The following ATXN1 variants were observed in gnomAD, a reference collection of about 807,000 sequenced individuals.
ATXN1 encodes ataxin-1.
ATXN1 carries 8 observed loss-of-function variants against 56.4 expected under a neutral mutation model. The observed-to-expected ratio is 0.14, with a 90% CI of 0.08 to 0.26. The LOEUF (loss-of-function observed/expected upper bound fraction) is 0.26. Ranked by LOEUF, ATXN1 falls within the 10% of genes least tolerant of loss-of-function variation. The pLI is 1.00. For missense variants in ATXN1, 987 were observed against 1,106.5 expected (o/e 0.89, Z 1.53); for synonymous variants, 514 against 494.6 (o/e 1.04, Z -0.52).
intron 7 of ATXN1, among the ~76,000 whole-genome samples, chr6:16,315,966 G>A (rs765011866): frequency 2.0e-5 from 3 of 152,152 alleles, no homozygotes; most frequent in African/African-American, 4.8e-5. Context: ...ACAAGCATGA[G>A]CCACCTAGCC....
chr6:16,395,270 C>CAAAAAAAAAAAAA (rs748314030), intron 6 of ATXN1, among the ~76,000 whole-genome samples: 1,003 of 48,346 alleles, frequency 0.021, 35 homozygotes, highest in Non-Finnish European at 0.032. Context: ...AACTCCGTCT[C>CAAAAAAAAAAAAA]AAAAAAAAAA....
chr6:16,318,510 A>T (rs939387752), intron 7 of ATXN1, among the ~76,000 whole-genome samples: 3 of 152,158 alleles, frequency 2.0e-5, no homozygotes, highest in African/African-American at 7.2e-5. Context: ...CCCGTCTCAA[A>T]GATGAAGGGG....
chr6:16,681,949 T>C (rs1473974076), intron 2 of ATXN1, among the ~76,000 whole-genome samples: 5 of 152,170 alleles, frequency 3.3e-5, no homozygotes, highest in South Asian at 2.1e-4. Flanking sequence ...TTTGCTCTTC[T>C]GAATGTATTA....
intron 6 of ATXN1, among the ~76,000 whole-genome samples, chr6:16,483,850 G>C (rs1247318213): frequency 2.0e-5 from 3 of 152,174 alleles, no homozygotes; most frequent in Non-Finnish European, 4.4e-5. Flanking sequence ...TATTTAAATA[G>C]AGCCTGAAAC....
At chr6:16,449,912 G>A (rs772647432) in intron 6 of ATXN1, among the ~76,000 whole-genome samples, 5 of 152,212 alleles carry the variant, frequency 3.3e-5, no homozygotes, top group Admixed American at 6.5e-5. Context: ...GAAGATTGCA[G>A]CTGTCATCTC....
In ATXN1 at chr6:16,299,452, A is replaced by C. The variant is rs1372323065; in HGVS notation, c.*6877T>G. ...GAGAGTATGCACGCATATGGAAAAAAGTTCTCCTGTCACAATAAAAGCTCT... is the reference window on the plus strand; with the variant it reads ...GAGAGTATGCACGCATATGGAAAAACGTTCTCCTGTCACAATAAAAGCTCT... On this transcript the variant is annotated 3_prime_UTR_variant, in exon 8 of 8. Transcript: ENST00000436367. The C allele has an allele frequency of 6.6e-6, 1 of 152,664 alleles. No individual in the cohort carries two copies. The highest frequency in any genetic ancestry group is 1.5e-5 in the Non-Finnish European group (1 of 68,032). The allele number at this position is 152,664 out of a possible 1,614,324, so 9.5% of individuals were successfully genotyped here. A position where few individuals can be genotyped will look rare whatever the true frequency, so the allele number is the denominator to read the frequency against.
At chr6:16,381,589 A>G (rs538200748) in intron 6 of ATXN1, among the ~76,000 whole-genome samples, 1 of 152,362 alleles carries the variant, frequency 6.6e-6, no homozygotes, top group African/African-American at 2.4e-5. Flanking sequence ...TGACTTCATC[A>G]TCCAGTGGCT....
chr6:16,449,231 G>A (rs1190369680), intron 6 of ATXN1, among the ~76,000 whole-genome samples: 1 of 152,082 alleles, frequency 6.6e-6, no homozygotes, highest in African/African-American at 2.4e-5. Context: ...AGTGTATCAT[G>A]GACAATTAAC....
chr6:16,725,727 T>A (rs566066216), intron 2 of ATXN1, among the ~76,000 whole-genome samples: 38 of 152,318 alleles, frequency 2.5e-4, no homozygotes, highest in African/African-American at 7.0e-4. Context: ...GAGAGAATCA[T>A]CCTTTCACAA....
At chr6:16,456,430 G>A (rs1046104671) in intron 6 of ATXN1, among the ~76,000 whole-genome samples, 1 of 152,196 alleles carries the variant, frequency 6.6e-6, no homozygotes, top group Admixed American at 6.5e-5. Flanking sequence ...TCTGGGAAAG[G>A]GCTCACTAAC....
At chr6:16,618,669 C>T (rs1327845768) in intron 3 of ATXN1, among the ~76,000 whole-genome samples, 11 of 150,106 alleles carry the variant, frequency 7.3e-5, no homozygotes. Flanking sequence ...TTGCAGTGAG[C>T]CAAGATCGTG....
chr6:16,710,060 G>A (rs898435758), intron 2 of ATXN1, among the ~76,000 whole-genome samples: 3 of 152,094 alleles, frequency 2.0e-5, no homozygotes, highest in Non-Finnish European at 2.9e-5. Flanking sequence ...AGGAAACTTC[G>A]TCAATCCAAT....
Position 16,637,516 on chromosome 6 carries a change from T to TA in ATXN1, c.-489+20259dup, listed in dbSNP as rs1373900798. ...ATAATAAAAAATAAATAAAATAAAATAAAAAAAGAAAAAGGAAGAAAGAAA... is the reference window on the plus strand; with the variant it reads ...ATAATAAAAAATAAATAAAATAAAATAAAAAAAAGAAAAAGGAAGAAAGAAA... On this transcript the variant is annotated intron_variant, in intron 3 of 7. Transcript: ENST00000436367. Among the ~76,000 whole-genome samples, 3 of 149,754 alleles carry TA rather than the reference T, an allele frequency of 2.0e-5. No individual in the cohort carries two copies. The East Asian group carries it at 5.8e-4, about 29-fold the overall frequency.
At chr6:16,740,408 T>A (rs1278289035) in intron 2 of ATXN1, among the ~76,000 whole-genome samples, 1 of 152,158 alleles carries the variant, frequency 6.6e-6, no homozygotes, top group African/African-American at 2.4e-5. Context: ...TTCTGTAACA[T>A]CTAGTAGAAA....
At chr6:16,604,667 C>G (rs934609391) in intron 3 of ATXN1, among the ~76,000 whole-genome samples, 4 of 149,816 alleles carry the variant, frequency 2.7e-5, no homozygotes, top group African/African-American at 9.8e-5. Context: ...CTCACTGCAG[C>G]CTCAGCCTCC....
At chr6:16,485,506 G>C (rs947283802) in intron 6 of ATXN1, 2 of 152,160 alleles carry the variant, frequency 1.3e-5, no homozygotes, top group African/African-American at 4.8e-5. Flanking sequence ...ACAAGCCAGA[G>C]AGAAAAATGT....
At chr6:16,562,168 T>C (rs1484767988) in intron 4 of ATXN1, among the ~76,000 whole-genome samples, 3 of 150,902 alleles carry the variant, frequency 2.0e-5, no homozygotes, top group East Asian at 3.9e-4. Flanking sequence ...GAGCTCAGAG[T>C]TGGAGACCAG....
intron 6 of ATXN1, among the ~76,000 whole-genome samples, chr6:16,404,808 G>A (rs1758653299): frequency 6.6e-6 from 1 of 152,208 alleles, no homozygotes; most frequent in Admixed American, 6.5e-5. Flanking sequence ...GAGTCCGACT[G>A]AGAGCAAGGG....
intron 6 of ATXN1, among the ~76,000 whole-genome samples, chr6:16,440,648 A>AAAAAAAAAAAAAAAAAAAAAAAAAG (rs748929817): frequency 6.7e-5 from 8 of 118,546 alleles, no homozygotes; most frequent in Non-Finnish European, 1.2e-4. Flanking sequence ...CTTAAAAAAA[A>AAAAAAAAAAAAAAAAAAAAAAAAAG]AAAAGAAAAG....
Sources: gnomAD v4.1 joint callset for allele counts (sites outside exome capture counted in the v4.1 genomes callset) on GRCh38, gnomAD v4.1.1 for gene constraint, MANE v1.5 for transcripts, NCBI Gene and HGNC (gene_info 2026-07-23, HGNC 2026-07-21) for gene names.